The following FHIP2A variants were observed in gnomAD, a reference collection of about 807,000 sequenced individuals.
FHIP2A encodes FHF complex subunit HOOK interacting protein 2A.
In FHIP2A, 46 loss-of-function variants were observed where a neutral mutation model predicts 93.5. The ratio of observed to expected loss-of-function variants is 0.49; its 90% CI spans 0.39 to 0.63. The LOEUF (loss-of-function observed/expected upper bound fraction) is 0.63, where lower values mean the gene tolerates loss of function less well. FHIP2A is among the 20% of genes least tolerant of loss of function. The probability of loss-of-function intolerance (pLI) is 0.00; values close to 1 mark genes in which losing one functional copy is unlikely to be tolerated. For missense variants in FHIP2A, 769 were observed against 909.7 expected (o/e 0.85, Z 1.99); for synonymous variants, 332 against 326.5 (o/e 1.02, Z -0.18).
exon 17 of FHIP2A, chr10:114,899,831 A>C (rs897328782): frequency 2.7e-5 from 9 of 328,396 alleles, no homozygotes; most frequent in African/African-American, 1.7e-4. Context: ...TGGTTCATTA[A>C]AGATGTATTA....
intron 15 of FHIP2A, 150 bp from the exon 16 acceptor site, chr10:114,861,081 G>T (rs7072364): frequency 9.6e-7 from 1 of 1,037,296 alleles, no homozygotes; most frequent in Non-Finnish European, 1.4e-6. Context: ...AAAGAATTAG[G>T]TATGAGTCCT....
intron 16 of FHIP2A, among the ~76,000 whole-genome samples, chr10:114,884,375 TG>T (rs1189248359): frequency 6.6e-6 from 1 of 152,224 alleles, no homozygotes; most frequent in Non-Finnish European, 1.5e-5. Context: ...AGTCACTTTT[TG>T]GGGTCAGACA....
At chr10:114,874,533 G>A (rs987782659) in intron 16 of FHIP2A, among the ~76,000 whole-genome samples, 6 of 151,824 alleles carry the variant, frequency 4.0e-5, no homozygotes, top group East Asian at 1.9e-4. Context: ...ATGGAGTTTC[G>A]CTGTTGTTGC....
chr10:114,830,270 C>CTTTTT lies in FHIP2A; in HGVS notation c.46-566_46-562dup, dbSNP rs5788083. Reference sequence around the variant, plus strand: ...TCATTTAATATACCTCTGAAACCTACTTTTTTTTTTTTTTTTTTTTGAGAT... The same window carrying CTTTTT: ...TCATTTAATATACCTCTGAAACCTACTTTTTTTTTTTTTTTTTTTTTTTTTGAGAT... On this transcript the variant is annotated intron_variant, in intron 1 of 16. Transcript: ENST00000369248. Among the ~76,000 whole-genome samples the CTTTTT allele has an allele frequency of 1.2e-3, 127 of 105,430 alleles. 2 individuals are homozygous for CTTTTT. The highest frequency in any genetic ancestry group is 4.2e-3 in the African/African-American group (112 of 26,386). The allele number at this position is 105,430 out of a possible 152,430, so 69.2% of individuals were successfully genotyped here. A position where few individuals can be genotyped will look rare whatever the true frequency, so the allele number is the denominator to read the frequency against.
intron 1 of FHIP2A, among the ~76,000 whole-genome samples, chr10:114,829,112 T>C (rs1195125391): frequency 1.3e-5 from 2 of 152,166 alleles, no homozygotes. Context: ...AGGAAGTCTA[T>C]GAAAATGGAC....
intron 2 of FHIP2A, among the ~76,000 whole-genome samples, chr10:114,831,958 G>A (rs578238247): frequency 1.3e-5 from 2 of 152,270 alleles, no homozygotes; most frequent in South Asian, 4.1e-4. Flanking sequence ...AAGGCTTAGT[G>A]TTATGGTTTT....
At position 114,842,370 on chromosome 10, in the gene FHIP2A, C is replaced by T. The variant is rs188754168; in HGVS notation, c.523-563C>T. Among the ~76,000 whole-genome samples, 419 of 152,114 alleles carry T rather than the reference C, an allele frequency of 2.8e-3. 9 individuals are homozygous for T. Among genetic ancestry groups the T allele is most frequent in the Non-Finnish European group, 1.1e-3 (73 of 68,006 alleles). ...ATGGGTCACTGTGCCCAGCTTCTTGCGTTCTTATAGAGTAGAGGTTTAAGG... is the reference window on the plus strand; with the variant it reads ...ATGGGTCACTGTGCCCAGCTTCTTGTGTTCTTATAGAGTAGAGGTTTAAGG... On this transcript the variant is annotated intron_variant, in intron 5 of 16. Coordinates refer to ENST00000369248, the MANE Select transcript of FHIP2A (RefSeq NM_020940.4).
chr10:114,876,083 G>C (rs1416411216), intron 16 of FHIP2A, among the ~76,000 whole-genome samples: 2 of 152,164 alleles, frequency 1.3e-5, no homozygotes, highest in East Asian at 3.9e-4. Context: ...AAGCAGAAGA[G>C]ACCCGGGGCC....
chr10:114,842,582 A>G (rs1039597001), intron 5 of FHIP2A, among the ~76,000 whole-genome samples: 3 of 152,096 alleles, frequency 2.0e-5, no homozygotes, highest in African/African-American at 7.2e-5. Context: ...ATGTAGTTAC[A>G]GTAGTCCAGT....
Position 114,862,364 on chromosome 10 carries a change from C to A in FHIP2A, c.*824C>A. 1 of 987,238 alleles carries A rather than the reference C, an allele frequency of 1.0e-6. No individual in the cohort carries two copies. The highest frequency in any genetic ancestry group is 1.2e-6 in the Non-Finnish European group (1 of 829,994). The allele number at this position is 987,238 out of a possible 1,614,324, so 61.2% of individuals were successfully genotyped here. On this transcript the variant is annotated 3_prime_UTR_variant, in exon 17 of 17. Coordinates refer to ENST00000369248, the MANE Select transcript of FHIP2A (RefSeq NM_020940.4). The stretch of plus-strand genomic sequence containing the variant: ...ACTGGGTTGAGAACCTTTTTCCCCC[C>A]TCTCCCTCTCAGAAAATTGCTTTAT...
rs139850227 is a variant in FHIP2A, at chr10:114,835,855, T to A, written c.399+214T>A. On this transcript the variant is annotated intron_variant, in intron 4 of 16. Coordinates refer to ENST00000369248, the MANE Select transcript of FHIP2A (RefSeq NM_020940.4). ...CTGATTCTCTTTAAAATTTTATACATGAATTTTCCTTGGATTTTACTTCCA... is the reference window on the plus strand; with the variant it reads ...CTGATTCTCTTTAAAATTTTATACAAGAATTTTCCTTGGATTTTACTTCCA... Among the ~76,000 whole-genome samples the A allele has an allele frequency of 6.8e-3, 1,039 of 152,290 alleles. 8 individuals carry two copies. The highest frequency in any genetic ancestry group is 0.024 in the African/African-American group (998 of 41,554).
chr10:114,899,345 TA>T, intron 16 of FHIP2A: 1 of 556,632 alleles, frequency 1.8e-6, no homozygotes, highest in South Asian at 2.7e-5. Context: ...TAAGCTAGTG[TA>T]AGCACAAAAT....
chr10:114,849,876 GACC>G (rs1032910838), intron 13 of FHIP2A, among the ~76,000 whole-genome samples: 3 of 152,138 alleles, frequency 2.0e-5, no homozygotes, highest in African/African-American at 7.2e-5. Context: ...TACTATATGT[GACC>G]TTTTCTGTCT....
rs1225951728 is a variant in FHIP2A at position 114,848,736 on chromosome 10, A to G, written c.1802A>G (p.Gln601Arg). Residue 601 changes from glutamine (Q) to arginine (R), a missense_variant and splice_region_variant, in exon 13 of 17, where the codon CAG becomes CGG. Physicochemically the swap from Gln to Arg is conservative, Grantham distance 43. Coordinates refer to ENST00000369248, the MANE Select transcript of FHIP2A (RefSeq NM_020940.4). ...YDTYLRDAHRQFRDYCAICLR... is the reference protein window; with the variant it reads ...YDTYLRDAHRRFRDYCAICLR... ...ACTTACCTCCGAGACGCTCATAGGC[A>G]GGTAGGTGAAGTCACTAAATGTTGG... 2 of 1,601,132 alleles carry G rather than the reference A, an allele frequency of 1.2e-6. No individual in the cohort carries two copies. Among genetic ancestry groups the G allele is most frequent in the Non-Finnish European group, 1.7e-6 (2 of 1,169,286 alleles).
intron 5 of FHIP2A, among the ~76,000 whole-genome samples, chr10:114,841,004 C>G (rs1322410728): frequency 1.3e-5 from 2 of 152,118 alleles, no homozygotes; most frequent in Non-Finnish European, 2.9e-5. Context: ...GCCACAGTTC[C>G]TCATCACCTA....
chr10:114,852,762 T>C (rs1363253042), intron 13 of FHIP2A, among the ~76,000 whole-genome samples: 5 of 152,220 alleles, frequency 3.3e-5, no homozygotes, highest in African/African-American at 1.2e-4. Flanking sequence ...GTATAAATAC[T>C]TAGACATCAA....
rs1311011051 is a variant in FHIP2A at position 114,875,849 on chromosome 10, A to AAGAC, written c.2192+14518_2192+14519insCAGA. Among the ~76,000 whole-genome samples the AAGAC allele has an allele frequency of 4.3e-3, 636 of 147,824 alleles. 48 individuals carry two copies. The highest frequency in any genetic ancestry group is 0.016 in the African/African-American group (603 of 38,462). On this transcript the variant is annotated intron_variant, in intron 16 of 16. Coordinates refer to the FHIP2A transcript ENST00000369250. ...TAGGAAGGTAAGAGAGAAAGAAAGA[A>AAGAC]AGAAAAAGAAAGAAAGAAAGAGAAA...
At chr10:114,848,996 G>A (rs996488689) in intron 13 of FHIP2A, among the ~76,000 whole-genome samples, 1 of 151,656 alleles carries the variant, frequency 6.6e-6, no homozygotes, top group African/African-American at 2.4e-5. Flanking sequence ...ACAAAAATTA[G>A]CCAGGCATGG....
chr10:114,839,774 C>T (rs1023915730), intron 5 of FHIP2A, among the ~76,000 whole-genome samples: 29 of 150,696 alleles, frequency 1.9e-4, no homozygotes, highest in African/African-American at 6.9e-4. Flanking sequence ...CCCAGCTACT[C>T]AGGAGGCTGA....
Sources: allele counts gnomAD v4.1 joint callset (sites outside exome capture counted in the v4.1 genomes callset), GRCh38; gene constraint gnomAD v4.1.1; transcripts MANE v1.5; gene names NCBI Gene and HGNC (gene_info 2026-07-23, HGNC 2026-07-21).